Variants in MAPRE2 observed in about 807,000 individuals in gnomAD.
The protein encoded by MAPRE2 is microtubule associated protein RP/EB family member 2.
Under a neutral mutation model 43.2 loss-of-function variants are expected in MAPRE2, and 13 were observed. That is an observed-to-expected ratio of 0.30 (90% CI 0.20 to 0.48). The LOEUF is 0.48. Among genes scored for constraint, MAPRE2 ranks in the 20% least tolerant of loss-of-function variants. The pLI is 0.99. For synonymous variants in MAPRE2, 135 were observed against 148.8 expected (o/e 0.91, Z 0.68); for missense variants, 161 against 400.2 (o/e 0.40, Z 5.10).
intron 1 of MAPRE2, among the ~76,000 whole-genome samples, chr18:35,054,195 T>A (rs1212623359): frequency 6.6e-6 from 1 of 152,170 alleles, no homozygotes; most frequent in Non-Finnish European, 1.5e-5. Context: ...ATTTAGAGAC[T>A]GGGAAACAAA....
At chr18:35,044,271 C>T (rs1342024812) in intron 1 of MAPRE2, among the ~76,000 whole-genome samples, 1 of 152,234 alleles carries the variant, frequency 6.6e-6, no homozygotes, top group Non-Finnish European at 1.5e-5. Flanking sequence ...GCTCTTGTTG[C>T]CCAGGCTGGC....
At chr18:35,041,275 C>T, upstream of MAPRE2, 2 of 1,349,712 alleles carry the variant, frequency 1.5e-6, no homozygotes, top group Non-Finnish European at 1.9e-6. Context: ...CGACCCTGTG[C>T]GAATTGAGGC....
chr18:35,102,175 G>A lies in MAPRE2; in HGVS notation c.610+16G>A, dbSNP rs376280335. 1.3e-6 allele frequency: 2 copies of A among 1,550,780 alleles called. No homozygotes were observed. The highest frequency in any genetic ancestry group is 1.7e-6 in the Non-Finnish European group (2 of 1,149,886). On this transcript the variant is annotated intron_variant, in intron 4 of 6. Coordinates refer to ENST00000300249, the MANE Select transcript of MAPRE2 (RefSeq NM_014268.4). ...CCCACAGCAGGTATTGTCACAATGA[G>A]ATTGCGGGAGTTGCTTTCATCTTTG...
chr18:34,987,046 T>C (rs562964), intron 1 of MAPRE2, among the ~76,000 whole-genome samples: 38,635 of 152,088 alleles, frequency 0.25, 4,955 homozygotes, highest in African/African-American at 0.26. Context: ...AAAAAAGCCA[T>C]TAACTGAAGT....
At chr18:35,135,578 C>A (rs1389396378) in intron 6 of MAPRE2, among the ~76,000 whole-genome samples, 1 of 152,184 alleles carries the variant, frequency 6.6e-6, no homozygotes, top group Non-Finnish European at 1.5e-5. Flanking sequence ...TCCCCTATGT[C>A]TATGGTCTGG....
At chr18:35,050,895 C>T (rs1489405685) in intron 1 of MAPRE2, among the ~76,000 whole-genome samples, 1 of 152,088 alleles carries the variant, frequency 6.6e-6, no homozygotes, top group Admixed American at 6.6e-5. Flanking sequence ...CTGAGAGAAC[C>T]CCCAGGGAGA....
chr18:35,126,210 A>G (rs144218375), intron 4 of MAPRE2, among the ~76,000 whole-genome samples: 5 of 152,302 alleles, frequency 3.3e-5, no homozygotes, highest in African/African-American at 9.6e-5. Flanking sequence ...TATCCAGTGC[A>G]TTACAATAAA....
intron 4 of MAPRE2, among the ~76,000 whole-genome samples, chr18:35,110,870 A>G (rs2144200941): frequency 6.6e-6 from 1 of 152,274 alleles, no homozygotes; most frequent in South Asian, 2.1e-4. Context: ...AGTGCAGTCA[A>G]AATTTTCTCC....
chr18:35,083,647 C>G (rs1907743771), intron 2 of MAPRE2, among the ~76,000 whole-genome samples: 1 of 152,106 alleles, frequency 6.6e-6, no homozygotes, highest in Non-Finnish European at 1.5e-5. Context: ...CATATTTTAC[C>G]AAGTCAGACA....
intron 2 of MAPRE2, among the ~76,000 whole-genome samples, chr18:35,035,001 C>T (rs2097049754): frequency 6.6e-6 from 1 of 151,926 alleles, no homozygotes; most frequent in South Asian, 2.1e-4. Context: ...ACCCAGCCAT[C>T]CCATTACTGG....
At position 35,126,968 on chromosome 18, in the gene MAPRE2, G is replaced by A; in HGVS notation, c.631G>A (p.Ala211Thr). The A allele has an allele frequency of 6.2e-7, 1 of 1,613,942 alleles. No homozygotes were observed. Among genetic ancestry groups the A allele is most frequent in the Non-Finnish European group, 8.5e-7 (1 of 1,179,928 alleles). ...TTCAGGTGCAGCTAAATCAAGTCCA[G>A]CAGCTAAACCAGGATCCACACCTTC... Reference protein sequence around the residue: ...PTAGAAKSSPAAKPGSTPSRP... With the variant: ...PTAGAAKSSPTAKPGSTPSRP... Residue 211 changes from alanine to threonine, a missense_variant, in exon 5 of 7, where the codon GCA becomes ACA. Physicochemically the swap from Ala to Thr is moderately conservative, Grantham distance 58. Around this residue, in one of 2 missense-constraint regions of MAPRE2, gnomAD observed 96 missense variants for 153.3 expected, o/e 0.63. Coordinates refer to ENST00000300249, the MANE Select transcript of MAPRE2 (RefSeq NM_014268.4).
intron 6 of MAPRE2, among the ~76,000 whole-genome samples, chr18:35,134,247 T>C (rs1910289305): frequency 6.6e-6 from 1 of 152,210 alleles, no homozygotes; most frequent in African/African-American, 2.4e-5. Context: ...CAGAATAATT[T>C]CCATTTGAAC....
chr18:35,073,556 G>T (rs543146121), intron 2 of MAPRE2, among the ~76,000 whole-genome samples: 2 of 152,118 alleles, frequency 1.3e-5, no homozygotes, highest in Non-Finnish European at 2.9e-5. Flanking sequence ...TATTTAAAAT[G>T]ATTTAAAATG....
intron 4 of MAPRE2, 36 bp downstream of exon 4, chr18:35,102,195 T>C (rs1300435740): frequency 6.9e-7 from 1 of 1,457,216 alleles, no homozygotes; most frequent in East Asian, 2.3e-5. Context: ...GTTGCTTTCA[T>C]CTTTGATAAT....
intron 4 of MAPRE2, among the ~76,000 whole-genome samples, chr18:35,112,987 T>C (rs972014000): frequency 1.3e-5 from 2 of 152,196 alleles, no homozygotes; most frequent in African/African-American, 4.8e-5. Flanking sequence ...CAAGCCCCCT[T>C]AGGCCTGTTT....
intron 2 of MAPRE2, among the ~76,000 whole-genome samples, chr18:35,025,542 C>T (rs770555243): frequency 6.6e-6 from 1 of 152,156 alleles, no homozygotes; most frequent in Non-Finnish European, 1.5e-5. Context: ...ATGAGACAGT[C>T]GTGGCTGAAT....
In MAPRE2 at chr18:35,126,849, T is replaced by C. The variant is rs1909925658; in HGVS notation, c.611-99T>C. The C allele has an allele frequency of 2.5e-5, 25 of 992,894 alleles. No individual in the cohort carries two copies. In the East Asian group the frequency reaches 5.9e-4, roughly 23 times the overall value. The allele number at this position is 992,894 out of a possible 1,614,324, so 61.5% of individuals were successfully genotyped here. ...AAGGGATCACTGGAGGTATCTCTTA[T>C]ATGTTGTTGTAAGCTCTTTTCATAT... On this transcript the variant is annotated intron_variant, in intron 4 of 6. Transcript: ENST00000300249.
intron 2 of MAPRE2, among the ~76,000 whole-genome samples, chr18:35,076,225 C>T (rs528200038): frequency 6.6e-6 from 1 of 152,010 alleles, no homozygotes; most frequent in African/African-American, 2.4e-5. Flanking sequence ...TGGGCTAGGC[C>T]CTGGGGACCC....
chr18:35,053,505 GA>G (rs1234907678), intron 1 of MAPRE2, among the ~76,000 whole-genome samples: 1 of 151,988 alleles, frequency 6.6e-6, no homozygotes, highest in African/African-American at 2.4e-5. Flanking sequence ...ATCTACCTTA[GA>G]AGTTTTATAT....
Sources: gnomAD v4.1 joint callset for allele counts (sites outside exome capture counted in the v4.1 genomes callset) on GRCh38, gnomAD v4.1.1 for gene constraint, gnomAD v4.1.1 regional missense constraint, MANE v1.5 for transcripts, NCBI Gene and HGNC (gene_info 2026-07-23, HGNC 2026-07-21) for gene names.